The following EFNA5 variants were observed in gnomAD, a reference collection of about 807,000 sequenced individuals.
EFNA5 encodes ephrin-A5.
EFNA5 carries 5 observed loss-of-function variants against 22.9 expected under a neutral mutation model. That is an observed-to-expected ratio of 0.22 (90% CI 0.11 to 0.46). The LOEUF (loss-of-function observed/expected upper bound fraction) is 0.46, where lower values mean the gene tolerates loss of function less well. Ranked by LOEUF, EFNA5 falls within the 20% of genes least tolerant of loss-of-function variation. The pLI, the probability that EFNA5 is intolerant of heterozygous loss-of-function variation, is 0.99. For synonymous variants in EFNA5, 113 were observed against 112.2 expected (o/e 1.01, Z -0.04); for missense variants, 237 against 293.3 (o/e 0.81, Z 1.40).
chr5:107,646,378 A>G (rs536470515), intron 1 of EFNA5, among the ~76,000 whole-genome samples: 50 of 152,286 alleles, frequency 3.3e-4, no homozygotes, highest in African/African-American at 1.1e-3. Flanking sequence ...TAAAGATACT[A>G]TATGCTTAAA....
chr5:107,409,981 G>A (rs1009951231), intron 2 of EFNA5, among the ~76,000 whole-genome samples: 8 of 150,592 alleles, frequency 5.3e-5, no homozygotes, highest in Middle Eastern at 3.4e-3. Context: ...ACTTAAAACC[G>A]GTCTTGTAGG....
intron 1 of EFNA5, among the ~76,000 whole-genome samples, chr5:107,552,252 A>G (rs1748315585): frequency 6.6e-6 from 1 of 152,206 alleles, no homozygotes; most frequent in African/African-American, 2.4e-5. Flanking sequence ...GTAAATGGAA[A>G]TAGCAAAAGT....
At chr5:107,437,471 A>C (rs538271355) in intron 1 of EFNA5, among the ~76,000 whole-genome samples, 2 of 152,370 alleles carry the variant, frequency 1.3e-5, no homozygotes, top group South Asian at 4.1e-4. Flanking sequence ...TGGTGATCGT[A>C]GTCATAAAAA....
chr5:107,646,925 T>C (rs1209673876), intron 1 of EFNA5, among the ~76,000 whole-genome samples: 2 of 152,144 alleles, frequency 1.3e-5, no homozygotes, highest in Non-Finnish European at 2.9e-5. Flanking sequence ...TATTTTATTA[T>C]ATATATTCCA....
Position 107,550,591 on chromosome 5 carries a change from A to G in EFNA5, c.125+119898T>C, listed in dbSNP as rs141512627. ...TACGATATATGTACTGTACCTTAAT[A>G]AGGCAGTTATAATTTTCATTCCTAC... On this transcript the variant is annotated intron_variant, in intron 1 of 4. Transcript: ENST00000333274. Among the ~76,000 whole-genome samples the G allele has an allele frequency of 1.0e-3, 155 of 152,338 alleles. 1 individual carries two copies. The highest frequency in any genetic ancestry group is 3.6e-3 in the African/African-American group (151 of 41,584).
chr5:107,508,874 A>G (rs1171968746), intron 1 of EFNA5, among the ~76,000 whole-genome samples: 3 of 152,226 alleles, frequency 2.0e-5, no homozygotes, highest in Non-Finnish European at 2.9e-5. Flanking sequence ...AGGTATATTC[A>G]TTACTTGAAA....
chr5:107,410,329 C>G (rs1748335364), intron 2 of EFNA5, among the ~76,000 whole-genome samples: 1 of 152,144 alleles, frequency 6.6e-6, no homozygotes, highest in South Asian at 2.1e-4. Flanking sequence ...GAACACTAGT[C>G]TGTATATGTT....
At chr5:107,573,222 G>A (rs1403631803) in intron 1 of EFNA5, among the ~76,000 whole-genome samples, 2 of 152,030 alleles carry the variant, frequency 1.3e-5, no homozygotes, top group Admixed American at 6.6e-5. Flanking sequence ...AAACACAGAG[G>A]ACAGAGAAGG....
intron 1 of EFNA5, among the ~76,000 whole-genome samples, chr5:107,619,457 G>A (rs1451220448): frequency 6.6e-6 from 1 of 151,290 alleles, no homozygotes; most frequent in Non-Finnish European, 1.5e-5. Flanking sequence ...TTCTACATCA[G>A]CTGGACTTTC....
At chr5:107,387,627 T>A (rs1747662766) in intron 3 of EFNA5, 79 bp downstream of exon 3, 1 of 1,035,100 alleles carries the variant, frequency 9.7e-7, no homozygotes, top group African/African-American at 1.6e-5. Flanking sequence ...TAAAAAAAAG[T>A]TTTACCGCCG....
chr5:107,461,337 C>G (rs1749828999), intron 1 of EFNA5, among the ~76,000 whole-genome samples: 1 of 152,082 alleles, frequency 6.6e-6, no homozygotes, highest in Non-Finnish European at 1.5e-5. Context: ...ACTTGCCTAA[C>G]AGTAGAGAGA....
chr5:107,660,307 T>C (rs1205220964), intron 1 of EFNA5, among the ~76,000 whole-genome samples: 1 of 100,952 alleles, frequency 9.9e-6, no homozygotes, highest in African/African-American at 3.8e-5. Context: ...TATATATATA[T>C]ATATATATTT....
intron 1 of EFNA5, among the ~76,000 whole-genome samples, chr5:107,555,149 T>C (rs1260489359): frequency 6.6e-6 from 1 of 152,212 alleles, no homozygotes; most frequent in Admixed American, 6.5e-5. Context: ...TTAAAAATAA[T>C]GAGTCTTGGC....
rs1373645735 is a variant in EFNA5 at position 107,379,764 on chromosome 5, C to T, written c.*1491G>A. ...ATTTATTCTCCTTCTGCCCCACCCCCACAATGAAACAAGATAGCCCCCATA... is the reference window on the plus strand; with the variant it reads ...ATTTATTCTCCTTCTGCCCCACCCCTACAATGAAACAAGATAGCCCCCATA... On this transcript the variant is annotated 3_prime_UTR_variant, in exon 5 of 5. Coordinates refer to ENST00000333274, the MANE Select transcript of EFNA5 (RefSeq NM_001962.3). 2 of 152,040 alleles carry T rather than the reference C, an allele frequency of 1.3e-5. No individual in the cohort carries two copies. Among genetic ancestry groups the T allele is most frequent in the Non-Finnish European group, 2.9e-5 (2 of 68,042 alleles). 9.4% of individuals were successfully genotyped at this position (152,040 alleles called of 1,614,324 possible).
At chr5:107,668,924 C>G (rs1392873721) in intron 1 of EFNA5, among the ~76,000 whole-genome samples, 2 of 152,100 alleles carry the variant, frequency 1.3e-5, no homozygotes, top group Non-Finnish European at 2.9e-5. Context: ...CCCATTCCAC[C>G]ACCCACCTCC....
At chr5:107,442,667 T>C (rs952168569) in intron 1 of EFNA5, among the ~76,000 whole-genome samples, 3 of 152,056 alleles carry the variant, frequency 2.0e-5, no homozygotes, top group South Asian at 2.1e-4. Flanking sequence ...AACAAAGCTA[T>C]ATAATATAAC....
Position 107,604,870 on chromosome 5 carries a change from T to C in EFNA5, c.125+65619A>G, listed in dbSNP as rs916304507. 5.3e-5 allele frequency among the ~76,000 whole-genome samples: 8 copies of C among 152,120 alleles called. No individual in the cohort carries two copies. In the South Asian group the frequency reaches 1.7e-3, roughly 32 times the overall value. On this transcript the variant is annotated intron_variant, in intron 1 of 4. Transcript: ENST00000333274. ...GCGGTTCACTGTCTCACTTAGTGCT[T>C]AATTGCGGGATGTTTTCATAGGTCC... is the stretch of plus-strand genomic sequence containing the variant.
At chr5:107,655,629 AAAC>A in intron 1 of EFNA5, among the ~76,000 whole-genome samples, 1 of 152,228 alleles carries the variant, frequency 6.6e-6, no homozygotes, top group Non-Finnish European at 1.5e-5. Flanking sequence ...TTCAGGAGTA[AAAC>A]AACATTACAA....
At chr5:107,574,170 T>A (rs1748875180) in intron 1 of EFNA5, among the ~76,000 whole-genome samples, 1 of 152,256 alleles carries the variant, frequency 6.6e-6, no homozygotes, top group South Asian at 2.1e-4. Context: ...GACGTATTCA[T>A]ACTTTCTTCA....
Sources: allele counts gnomAD v4.1 joint callset (sites outside exome capture counted in the v4.1 genomes callset), GRCh38; gene constraint gnomAD v4.1.1; transcripts MANE v1.5; gene names NCBI Gene and HGNC (gene_info 2026-07-23, HGNC 2026-07-21).